Variants in LDB3 observed in about 807,000 individuals in gnomAD.
LDB3 encodes the protein LIM domain-binding protein 3.
A neutral mutation model predicts 69.0 loss-of-function variants in LDB3; 49 were observed. The ratio of observed to expected loss-of-function variants is 0.71; its 90% confidence interval spans 0.56 to 0.90. The LOEUF is 0.90. LDB3 is among the 40% of genes least tolerant of loss of function. The pLI is 0.00. For missense variants in LDB3, 928 were observed against 974.1 expected (o/e 0.95, Z 0.63); for synonymous variants, 387 against 396.2 (o/e 0.98, Z 0.28).
chr10:86,682,371 G>A (rs1017217597), intron 5 of LDB3, among the ~76,000 whole-genome samples: 2 of 152,146 alleles, frequency 1.3e-5, no homozygotes, highest in African/African-American at 2.4e-5. Context: ...AGTGACCTTG[G>A]CCAGGGTGGG....
At chr10:86,688,080 T>TGTGTGC (rs1353377736) in intron 5 of LDB3, among the ~76,000 whole-genome samples, 5 of 145,950 alleles carry the variant, frequency 3.4e-5, no homozygotes, top group Admixed American at 2.0e-4. Context: ...TGTGTGTGTG[T>TGTGTGC]GTGTATGTGT....
intron 10 of LDB3, among the ~76,000 whole-genome samples, chr10:86,717,349 C>T (rs1846915900): frequency 6.6e-6 from 1 of 152,108 alleles, no homozygotes; most frequent in African/African-American, 2.4e-5. Context: ...GTAATACATA[C>T]TCATTAGTGA....
intron 12 of LDB3, among the ~76,000 whole-genome samples, chr10:86,723,145 C>T (rs779048859): frequency 2.8e-4 from 42 of 151,370 alleles, no homozygotes; most frequent in Non-Finnish European, 5.6e-4. Context: ...TGGTGCACAC[C>T]TGTGGTCCCA....
intron 7 of LDB3, 145 bp from the exon 8 acceptor site, chr10:86,706,386 C>T (rs1846441981): frequency 1.4e-5 from 12 of 883,108 alleles, no homozygotes; most frequent in South Asian, 8.3e-5. Context: ...AAGACACACC[C>T]TCTGAGGATC....
intron 7 of LDB3, among the ~76,000 whole-genome samples, chr10:86,696,033 T>G (rs113107076): frequency 0.014 from 2,134 of 152,262 alleles, 59 homozygotes; most frequent in African/African-American, 0.049. Context: ...GAGCTGAAGG[T>G]GCATCACATA....
At chr10:86,691,621 C>T (rs773760750) in intron 5 of LDB3, among the ~76,000 whole-genome samples, 6 of 152,072 alleles carry the variant, frequency 3.9e-5, no homozygotes, top group Admixed American at 1.3e-4. Flanking sequence ...GAAATGTCTC[C>T]GGCCTAGGCC....
At chr10:86,666,935 G>C, upstream of LDB3, 1 of 449,684 alleles carries the variant, frequency 2.2e-6, no homozygotes, top group Non-Finnish European at 4.6e-6. Flanking sequence ...GTCCTCCCCA[G>C]CCTGGCAGGA....
At chr10:86,710,841 G>A (rs1471319241) in intron 9 of LDB3, among the ~76,000 whole-genome samples, 4 of 152,228 alleles carry the variant, frequency 2.6e-5, no homozygotes, top group African/African-American at 9.6e-5. Flanking sequence ...CCGAGACAGA[G>A]GCCGGTGCCA....
intron 2 of LDB3, among the ~76,000 whole-genome samples, 184 bp downstream of exon 2, chr10:86,668,968 C>T (rs1005575402): frequency 9.9e-5 from 15 of 152,278 alleles, no homozygotes; most frequent in African/African-American, 3.6e-4. Context: ...GCGCGCCGGC[C>T]TGTTATGCAT....
intron 12 of LDB3, among the ~76,000 whole-genome samples, chr10:86,721,943 A>G (rs1270951077): frequency 6.6e-6 from 1 of 152,220 alleles, no homozygotes; most frequent in East Asian, 1.9e-4. Flanking sequence ...AGAGAGAGTC[A>G]AAGAAAATTA....
At chr10:86,672,831 A>T (rs1291562215) in intron 2 of LDB3, among the ~76,000 whole-genome samples, 1 of 152,222 alleles carries the variant, frequency 6.6e-6, no homozygotes, top group Non-Finnish European at 1.5e-5. Flanking sequence ...GGGCCAGGAC[A>T]CCGTGCAAGG....
At chr10:86,706,971 G>A (rs1202396955) in intron 8 of LDB3, among the ~76,000 whole-genome samples, 1 of 152,152 alleles carries the variant, frequency 6.6e-6, no homozygotes, top group East Asian at 1.9e-4. Flanking sequence ...AGGTAACAGT[G>A]TCTCTCTCTG....
At chr10:86,670,537 T>A (rs2132326978) in intron 2 of LDB3, among the ~76,000 whole-genome samples, 1 of 152,286 alleles carries the variant, frequency 6.6e-6, no homozygotes, top group Non-Finnish European at 1.5e-5. Context: ...CTGGGCTCAG[T>A]GGCACTCAGG....
chr10:86,692,832 G>C (rs1219375702), intron 7 of LDB3, among the ~76,000 whole-genome samples: 1 of 152,226 alleles, frequency 6.6e-6, no homozygotes, highest in Non-Finnish European at 1.5e-5. Context: ...TCCCTGGGCA[G>C]GGGGCAGGGC....
At chr10:86,709,465 T>G (rs1398459731) in intron 8 of LDB3, among the ~76,000 whole-genome samples, 1 of 152,128 alleles carries the variant, frequency 6.6e-6, no homozygotes, top group African/African-American at 2.4e-5. Flanking sequence ...CCCAGAAACC[T>G]GAGACTTTGC....
chr10:86,726,231 C>G lies in LDB3; in HGVS notation c.2073C>G (p.His691Gln), dbSNP rs45486293. 1.9e-6 allele frequency: 3 copies of G among 1,613,934 alleles called. No homozygotes were observed. Among genetic ancestry groups the G allele is most frequent in the East Asian group, 2.2e-5 (1 of 44,884 alleles). Reference sequence around the variant, plus strand: ...TCGAAGCCCTGGGCCACACTTGGCACGACACCTGCTTCATTTGCGCAGTAT... The same window carrying G: ...TCGAAGCCCTGGGCCACACTTGGCAGGACACCTGCTTCATTTGCGCAGTAT... ...KFIEALGHTW[H>Q]DTCFICAVCH... The change falls in exon 13 of 14, where the codon CAC (histidine) becomes CAG (glutamine). Residue 691 changes from histidine to glutamine, a missense_variant. His to Gln is a conservative substitution (Grantham distance 24). Coordinates refer to ENST00000361373, the MANE Select transcript of LDB3 (RefSeq NM_007078.3).
At chr10:86,731,639 T>A (rs1201710429) in intron 13 of LDB3, among the ~76,000 whole-genome samples, 1 of 152,160 alleles carries the variant, frequency 6.6e-6, no homozygotes, top group Non-Finnish European at 1.5e-5. Context: ...GAGCACAGGT[T>A]GTTTTGTTGT....
At chr10:86,701,854 T>C (rs192345566) in intron 7 of LDB3, among the ~76,000 whole-genome samples, 3 of 152,310 alleles carry the variant, frequency 2.0e-5, no homozygotes, top group Admixed American at 2.0e-4. Flanking sequence ...GAGGATGTCA[T>C]GGTTAGTAGT....
At chr10:86,686,052 G>A (rs902651698) in intron 5 of LDB3, among the ~76,000 whole-genome samples, 1 of 152,144 alleles carries the variant, frequency 6.6e-6, no homozygotes, top group African/African-American at 2.4e-5. Flanking sequence ...TTTCTGTCCT[G>A]GCGACCCCTC....
Sources: allele counts gnomAD v4.1 joint callset (sites outside exome capture counted in the v4.1 genomes callset), GRCh38; gene constraint gnomAD v4.1.1; transcripts MANE v1.5; gene names NCBI Gene and HGNC (gene_info 2026-07-23, HGNC 2026-07-21).